FAM170B: variants seen among roughly 807,000 people sequenced by gnomAD.
FAM170B encodes the protein family with sequence similarity 170 member B.
FAM170B carries 4 observed loss-of-function variants against 3.9 expected under a neutral mutation model. The observed-to-expected ratio is 1.01, with a 90% CI of 0.50 to 2.32. FAM170B has a LOEUF of 2.32. Among genes scored for constraint, FAM170B ranks in the 30% most tolerant of loss-of-function variants. The pLI is 0.02. For missense variants in FAM170B, 417 were observed against 368.6 expected, an observed-to-expected ratio of 1.13 and a Z score of -1.07; for synonymous variants, 163 against 149.8, an observed-to-expected ratio of 1.09 and a Z score of -0.64.
intron 1 of FAM170B, among the ~76,000 whole-genome samples, chr10:49,133,293 A>G (rs952432674): frequency 5.3e-5 from 8 of 152,184 alleles, no homozygotes; most frequent in Non-Finnish European, 1.2e-4. Context: ...CAAGTTTAAT[A>G]TTCAAAACAA....
At position 49,131,784 on chromosome 10, in the gene FAM170B, G is replaced by T. The variant is rs767251917; in HGVS notation, c.681C>A (p.Ile227=). ...AGATCTGACAGCTGAAGCCCTCCCG[G>T]ATGCCATGCTGGGCGTGCTCCAGCA... is the stretch of plus-strand genomic sequence containing the variant. The part of the protein sequence containing the change: ...DALLEHAQHG[I]REGFSCQIFF... Residue 227 remains isoleucine, a synonymous_variant, in exon 2 of 2, where the codon ATC becomes ATA. Coordinates refer to ENST00000311787, the MANE Select transcript of FAM170B (RefSeq NM_001164484.2). 2 of 1,550,814 alleles carry T rather than the reference G, an allele frequency of 1.3e-6. No individual in the cohort carries two copies. Among genetic ancestry groups the T allele is most frequent in the Non-Finnish European group, 1.7e-6 (2 of 1,146,998 alleles).
Position 49,132,070 on chromosome 10 carries a change from A to G in FAM170B, c.395T>C (p.Val132Ala). 6.4e-7 allele frequency: 1 copy of G among 1,551,578 alleles called. No homozygotes were observed. Among genetic ancestry groups the G allele is most frequent in the Non-Finnish European group, 8.7e-7 (1 of 1,146,984 alleles). ...TTCATGGATGCGGGGCTTCCTGGTG[A>G]CCGGCTCGAAGCCGGCCTCCGTCTC... ...AWETEAGFEP[V>A]TRKPRIHEAQ... is the part of the protein sequence containing the mutation. Residue 132 changes from valine (V) to alanine (A), a missense_variant, in exon 2 of 2, where the codon GTC (valine) becomes GCC (alanine). Physicochemically the swap from Val to Ala is moderately conservative, Grantham distance 64 (BLOSUM62 0). Coordinates refer to ENST00000311787, the MANE Select transcript of FAM170B (RefSeq NM_001164484.2).
rs939929665 is a variant in FAM170B, at chr10:49,131,683, G to A, written c.782C>T (p.Pro261Leu). The stretch of plus-strand genomic sequence containing the variant: ...CCGGGAACATTCGCTGTTGTCTGAA[G>A]GACTCTGCTCCTCCTCCAGCTGTTG... Reference protein sequence around the residue: ...HDQQLEEEQSPSDNSECSRPQ... With the variant: ...HDQQLEEEQSLSDNSECSRPQ... Residue 261 changes from proline to leucine, a missense_variant, in exon 2 of 2, where the codon CCT becomes CTT. Transcript: ENST00000311787. 2 of 1,551,782 alleles carry A rather than the reference G, an allele frequency of 1.3e-6. No homozygotes were observed. The highest frequency in any genetic ancestry group is 2.7e-5 in the African/African-American group (2 of 73,176).
rs1272441338 is a variant in FAM170B at position 49,131,701 on chromosome 10, A to G, written c.764T>C (p.Leu255Pro). ...GTCTGAAGGACTCTGCTCCTCCTCC[A>G]GCTGTTGGTCATGTGCTTGGCCCTG... ...RAQGQAHDQQ[L>P]EEEQSPSDNS... Residue 255 changes from leucine (L) to proline (P), a missense_variant, in exon 2 of 2, where the codon CTG becomes CCG. Transcript: ENST00000311787. The G allele has an allele frequency of 6.4e-7, 1 of 1,551,700 alleles. No individual in the cohort carries two copies. The highest frequency in any genetic ancestry group is 1.2e-5 in the South Asian group (1 of 84,062).
In FAM170B at chr10:49,132,255, G is replaced by T. The variant is rs1454720312; in HGVS notation, c.210C>A (p.Asp70Glu). 5.8e-6 allele frequency: 9 copies of T among 1,551,458 alleles called. No individual in the cohort carries two copies. Among genetic ancestry groups the T allele is most frequent in the African/African-American group, 1.4e-5 (1 of 73,058 alleles). Reference protein sequence around the residue: ...YFAARDRGMRDWSSSPSSESS... With the variant: ...YFAARDRGMREWSSSPSSESS... Reference sequence around the variant, plus strand: ...ACTCTGAGGATGGGGAGCTGCTCCAGTCCCGCATCCCCCGGTCCCTGGCAG... The same window carrying T: ...ACTCTGAGGATGGGGAGCTGCTCCATTCCCGCATCCCCCGGTCCCTGGCAG... Residue 70 changes from aspartate to glutamate, a missense_variant, in exon 2 of 2, where the codon GAC (aspartate) becomes GAA (glutamate). By Grantham distance (45) the Asp-to-Glu change is conservative. Transcript: ENST00000311787.
chr10:49,131,526 G>A lies in FAM170B; in HGVS notation c.*87C>T, dbSNP rs1845181059. 9 of 1,459,156 alleles carry A rather than the reference G, an allele frequency of 6.2e-6. No individual in the cohort carries two copies. The South Asian group carries it at 1.1e-4, about 19-fold the overall frequency. 90.4% of individuals were successfully genotyped at this position (1,459,156 alleles called of 1,614,324 possible). A position where few individuals can be genotyped will look rare whatever the true frequency, so the allele number is the denominator to read the frequency against. ...CCCCTGACCCTGGTCCTCTCTCCCT[G>A]CCCTAGTGGCTCTGATACTGCTGGC... is the stretch of plus-strand genomic sequence containing the variant. On this transcript the variant is annotated 3_prime_UTR_variant, in exon 2 of 2. Transcript: ENST00000311787.
chr10:49,133,367 GA>G (rs1845211176), intron 1 of FAM170B, among the ~76,000 whole-genome samples: 1 of 152,204 alleles, frequency 6.6e-6, no homozygotes, highest in African/African-American at 2.4e-5. Flanking sequence ...CATGGAGTTT[GA>G]ATGAGTGGTG....
rs76513413 is a variant in FAM170B, at chr10:49,133,873, C to T, written c.46G>A (p.Asp16Asn). 5.1e-4 allele frequency: 793 copies of T among 1,551,676 alleles called. 14 individuals carry two copies. The East Asian group carries it at 0.017, about 33-fold the overall frequency. Residue 16 changes from aspartate to asparagine, a missense_variant, in exon 1 of 2, where the codon GAT becomes AAT. Asp to Asn is a conservative substitution (Grantham distance 23). Transcript: ENST00000311787. ...TDHRGEQSPT[D>N]GTTLSLTSPE... ...CTGGTCAAGCTGAGGGTGGTCCCATCGGTGGGTGACTGTTCTCCCCTGTGA... is the reference window on the plus strand; with the variant it reads ...CTGGTCAAGCTGAGGGTGGTCCCATTGGTGGGTGACTGTTCTCCCCTGTGA...
chr10:49,132,427 C>T (rs1845201165), intron 1 of FAM170B, 75 bp from the exon 2 acceptor site: 1 of 1,432,074 alleles, frequency 7.0e-7, no homozygotes, highest in South Asian at 1.5e-5. Flanking sequence ...GAGCCGCAGA[C>T]TCTGAAAGGG....
Position 49,134,019 on chromosome 10 carries a change from A to C in FAM170B, c.-101T>G, listed in dbSNP as rs1472502757. The C allele has an allele frequency of 3.5e-6, 3 of 860,020 alleles. No individual in the cohort carries two copies. The highest frequency in any genetic ancestry group is 2.6e-5 in the East Asian group (1 of 37,768). 53.3% of individuals were successfully genotyped at this position (860,020 alleles called of 1,614,324 possible). On this transcript the variant is annotated 5_prime_UTR_variant, in exon 1 of 2. Coordinates refer to ENST00000311787, the MANE Select transcript of FAM170B (RefSeq NM_001164484.2). ...CCAGCTGGCCCCAGCCAGAGTGGAC[A>C]CTGAGCTCCCCATGGTCGCTAAGAT...
In FAM170B at chr10:49,131,231, A is replaced by C. The variant is rs896268739; in HGVS notation, c.*382T>G. On this transcript the variant is annotated 3_prime_UTR_variant, in exon 2 of 2. Coordinates refer to ENST00000311787, the MANE Select transcript of FAM170B (RefSeq NM_001164484.2). ...TATGACAGATTTGTAATAGTGAAAAAAATAGGGCTGGAGAGTAATTTGCAG... is the reference window on the plus strand; with the variant it reads ...TATGACAGATTTGTAATAGTGAAAACAATAGGGCTGGAGAGTAATTTGCAG... 5.1e-6 allele frequency: 1 copy of C among 195,628 alleles called. No individual in the cohort carries two copies. The allele number at this position is 195,628 out of a possible 1,614,324, so 12.1% of individuals were successfully genotyped here.
In FAM170B at chr10:49,132,129, G is replaced by C. The variant is rs1228599381; in HGVS notation, c.336C>G (p.His112Gln). 6.4e-7 allele frequency: 1 copy of C among 1,551,630 alleles called. No individual in the cohort carries two copies. Among genetic ancestry groups the C allele is most frequent in the Non-Finnish European group, 8.7e-7 (1 of 1,147,006 alleles). Residue 112 changes from histidine to glutamine, a missense_variant, in exon 2 of 2, where the codon CAC becomes CAG. Coordinates refer to ENST00000311787, the MANE Select transcript of FAM170B (RefSeq NM_001164484.2). ...CAGCCACACCCCGCACAGTCTGCAC[G>C]TGCGTGTAGAAGGCACACACACTCT... Reference protein sequence around the residue: ...APQSVCAFYTHVQTVRGVAVA... With the variant: ...APQSVCAFYTQVQTVRGVAVA...
chr10:49,132,714 G>A (rs141400408), intron 1 of FAM170B, among the ~76,000 whole-genome samples: 12 of 152,172 alleles, frequency 7.9e-5, no homozygotes, highest in African/African-American at 2.2e-4. Context: ...TGACTGAGGT[G>A]TATCCATATG....
At chr10:49,133,616 A>G (rs1845213379) in intron 1 of FAM170B, among the ~76,000 whole-genome samples, 191 bp downstream of exon 1, 2 of 151,956 alleles carry the variant, frequency 1.3e-5, no homozygotes, top group Non-Finnish European at 2.9e-5. Flanking sequence ...CACCTTATAT[A>G]CTCATAACAG....
At chr10:49,133,658 A>G in intron 1 of FAM170B, 149 bp downstream of exon 1, 1 of 640,330 alleles carries the variant, frequency 1.6e-6, no homozygotes, top group East Asian at 2.7e-5. Flanking sequence ...CATAAATATC[A>G]ATTTCCTTTC....
chr10:49,132,688 T>C (rs1845203088), intron 1 of FAM170B, among the ~76,000 whole-genome samples: 1 of 151,850 alleles, frequency 6.6e-6, no homozygotes, highest in Non-Finnish European at 1.5e-5. Flanking sequence ...GACCATCAAC[T>C]GGGGAATAGG....
rs1285929039 is a variant in FAM170B, at chr10:49,132,317, C to T, written c.148G>A (p.Gly50Arg). Residue 50 changes from glycine to arginine, a missense_variant, in exon 2 of 2, where the codon GGG (glycine) becomes AGG (arginine). Gly to Arg is a moderately radical substitution (Grantham distance 125). Coordinates refer to ENST00000311787, the MANE Select transcript of FAM170B (RefSeq NM_001164484.2). The part of the protein sequence containing the change: ...IQREGSSPRP[G>R]PAIPREEGLY... ...CCCTCCTCCCGGGGAATGGCAGGCC[C>T]CGGCCGTGGGGACGACCCTTCTCTC... 1 of 1,550,238 alleles carries T rather than the reference C, an allele frequency of 6.5e-7. No homozygotes were observed. The highest frequency in any genetic ancestry group is 8.7e-7 in the Non-Finnish European group (1 of 1,146,680).
Position 49,132,086 on chromosome 10 carries a change from C to A in FAM170B, c.379G>T (p.Ala127Ser), listed in dbSNP as rs1185744018. The change falls in exon 2 of 2, where the codon GCC (alanine) becomes TCC (serine). Residue 127 changes from alanine (A) to serine (S), a missense_variant. By Grantham distance (99) the Ala-to-Ser change is moderately conservative (BLOSUM62 1). Transcript: ENST00000311787. ...TTCCTGGTGACCGGCTCGAAGCCGG[C>A]CTCCGTCTCCCAGGCCACAGCCACA... ...RGVAVAWETE[A>S]GFEPVTRKPR... 12 of 1,551,576 alleles carry A rather than the reference C, an allele frequency of 7.7e-6. No homozygotes were observed. The highest frequency in any genetic ancestry group is 1.0e-5 in the Non-Finnish European group (12 of 1,147,008).
At position 49,131,859 on chromosome 10, in the gene FAM170B, G is replaced by T. The variant is rs1429111275; in HGVS notation, c.606C>A (p.Tyr202Ter). Residue 202 changes from tyrosine to a stop codon, truncating the protein, a stop_gained, in exon 2 of 2, where the codon TAC (tyrosine) becomes TAA (stop). Coordinates refer to ENST00000311787, the MANE Select transcript of FAM170B (RefSeq NM_001164484.2). LOFTEE classifies it low-confidence loss of function (END_TRUNC). Reference sequence around the variant, plus strand: ...TGCAGCAGGCCACGCAGCGCACCCCGTAGTTGGTGGTGACCAGCCAGTCCG... The same window carrying T: ...TGCAGCAGGCCACGCAGCGCACCCCTTAGTTGGTGGTGACCAGCCAGTCCG... The part of the protein sequence containing the change: ...EPPDWLVTTN[Y>*]GVRCVACCRV... 1.3e-6 allele frequency: 2 copies of T among 1,546,088 alleles called. No homozygotes were observed. The highest frequency in any genetic ancestry group is 1.7e-6 in the Non-Finnish European group (2 of 1,146,864).
Sources: gnomAD v4.1 joint callset for allele counts (sites outside exome capture counted in the v4.1 genomes callset) on GRCh38, gnomAD v4.1.1 for gene constraint, MANE v1.5 for transcripts, NCBI Gene and HGNC (gene_info 2026-07-23, HGNC 2026-07-21) for gene names.